The following RBM33 variants were observed in gnomAD, a reference collection of about 807,000 sequenced individuals.
RBM33 encodes the protein RNA binding motif protein 33.
Under a neutral mutation model 132.6 loss-of-function variants are expected in RBM33, and 28 were observed. That is an observed-to-expected ratio of 0.21 (90% confidence interval 0.16 to 0.29). The LOEUF is 0.29. RBM33 is among the 10% of genes least tolerant of loss of function. The pLI is 1.00. For synonymous variants in RBM33, 634 were observed against 593.0 expected (o/e 1.07, Z -1.01); for missense variants, 1,291 against 1,518.5 (o/e 0.85, Z 2.49).
At chr7:155,665,041 T>C in intron 1 of RBM33, 134 bp from the exon 2 acceptor site, 1 of 624,008 alleles carries the variant, frequency 1.6e-6, no homozygotes. Flanking sequence ...AGTAAAATGA[T>C]AGTTACATAT....
At chr7:155,741,223 C>G (rs889950871) in intron 12 of RBM33, among the ~76,000 whole-genome samples, 2 of 151,894 alleles carry the variant, frequency 1.3e-5, no homozygotes, top group South Asian at 2.1e-4. Context: ...CTGCTTCCCC[C>G]CTCCCCCCTT....
intron 8 of RBM33, among the ~76,000 whole-genome samples, chr7:155,713,569 C>T (rs1309660714): frequency 6.6e-6 from 1 of 152,100 alleles, no homozygotes; most frequent in Non-Finnish European, 1.5e-5. Flanking sequence ...TGGCCACGGG[C>T]TGGCAGGGCT....
chr7:155,686,114 G>C (rs1276969564), intron 5 of RBM33, among the ~76,000 whole-genome samples: 1 of 152,148 alleles, frequency 6.6e-6, no homozygotes, highest in South Asian at 2.1e-4. Context: ...TTGAAACTTA[G>C]AGAAAGGACA....
chr7:155,647,418 G>T (rs1215984336), intron 1 of RBM33, among the ~76,000 whole-genome samples: 1 of 152,114 alleles, frequency 6.6e-6, no homozygotes, highest in African/African-American at 2.4e-5. Context: ...GTGTCTATAG[G>T]AGTGTTTGCT....
chr7:155,736,289 G>GT (rs1330404950), intron 9 of RBM33, among the ~76,000 whole-genome samples: 4 of 152,194 alleles, frequency 2.6e-5, no homozygotes, highest in Non-Finnish European at 5.9e-5. Context: ...AGGCATTGGG[G>GT]TTGCAAGTGT....
At chr7:155,672,343 GA>G (rs148711063) in intron 2 of RBM33, among the ~76,000 whole-genome samples, 4,151 of 152,200 alleles carry the variant, frequency 0.027, 70 homozygotes, top group Middle Eastern at 0.037. Flanking sequence ...GAAGTATAGT[GA>G]GGCACTACCT....
intron 2 of RBM33, among the ~76,000 whole-genome samples, chr7:155,669,490 T>A (rs1245967187): frequency 1.3e-5 from 2 of 152,156 alleles, no homozygotes; most frequent in African/African-American, 2.4e-5. Context: ...GTAGCCGGGA[T>A]TACAGGCATG....
At chr7:155,727,699 A>G (rs1800832339) in intron 9 of RBM33, among the ~76,000 whole-genome samples, 1 of 152,262 alleles carries the variant, frequency 6.6e-6, no homozygotes, top group Admixed American at 6.5e-5. Flanking sequence ...GTGGCAAGCC[A>G]CATATCTGCC....
chr7:155,674,700 A>C (rs1279142084), intron 3 of RBM33, among the ~76,000 whole-genome samples: 1 of 152,178 alleles, frequency 6.6e-6, no homozygotes, highest in Non-Finnish European at 1.5e-5. Flanking sequence ...TACTTTTCTC[A>C]GTTGAGCTGA....
chr7:155,779,436 G>A lies in RBM33; in HGVS notation c.*4395G>A, dbSNP rs1396730714. On this transcript the variant is annotated 3_prime_UTR_variant, in exon 18 of 18. Transcript: ENST00000401878. Reference sequence around the variant, plus strand: ...TTTAGTGTATTTAAAGAGCATTTCAGTTAACTTTTTCAGCTATTTTTAAAG... The same window carrying A: ...TTTAGTGTATTTAAAGAGCATTTCAATTAACTTTTTCAGCTATTTTTAAAG... 6.6e-6 allele frequency: 1 copy of A among 152,128 alleles called. No homozygotes were observed. Among genetic ancestry groups the A allele is most frequent in the Non-Finnish European group, 1.5e-5 (1 of 68,034 alleles). The allele number at this position is 152,128 out of a possible 1,614,324, so 9.4% of individuals were successfully genotyped here. A position where few individuals can be genotyped will look rare whatever the true frequency, so the allele number is the denominator to read the frequency against.
In RBM33 at chr7:155,738,314, A is replaced by G. The variant is rs755900967; in HGVS notation, c.1648A>G (p.Thr550Ala). The G allele has an allele frequency of 5.0e-6, 8 of 1,613,828 alleles. No homozygotes were observed. The highest frequency in any genetic ancestry group is 4.0e-5 in the African/African-American group (3 of 74,906). ...GCACTTTAGCCAGCCTGGGTCGGCA[A>G]CCACACGGCCCTTCATTCCTCCTAG... ...ILHFSQPGSA[T>A]TRPFIPPRQP... Residue 550 changes from threonine to alanine, a missense_variant, in exon 11 of 18, where the codon ACC (threonine) becomes GCC (alanine). By Grantham distance (58) the Thr-to-Ala change is moderately conservative. This residue lies in a region of RBM33 where 841 missense variants were observed against 912.0 expected (regional missense o/e 0.92). Transcript: ENST00000401878.
rs557079589 is a variant in RBM33 at position 155,736,493 on chromosome 7, C to A, written c.1261-1037C>A. Among the ~76,000 whole-genome samples the A allele has an allele frequency of 2.0e-5, 3 of 152,226 alleles. No individual in the cohort carries two copies. The South Asian group carries it at 6.2e-4, about 32-fold the overall frequency. On this transcript the variant is annotated intron_variant, in intron 9 of 17. Coordinates refer to ENST00000401878, the MANE Select transcript of RBM33 (RefSeq NM_053043.3). Reference sequence around the variant, plus strand: ...CAATACGGTGGTTTAAAAAAATCTCCATGAATACCTGAAAGACCAACTGAA... The same window carrying A: ...CAATACGGTGGTTTAAAAAAATCTCAATGAATACCTGAAAGACCAACTGAA...
chr7:155,741,115 G>T (rs563631064), intron 12 of RBM33, among the ~76,000 whole-genome samples: 2 of 152,300 alleles, frequency 1.3e-5, no homozygotes, highest in African/African-American at 4.8e-5. Context: ...AGAAGAGGGT[G>T]CTTTATAACC....
chr7:155,707,542 T>G (rs2116970211), intron 7 of RBM33, among the ~76,000 whole-genome samples: 1 of 152,356 alleles, frequency 6.6e-6, no homozygotes, highest in Non-Finnish European at 1.5e-5. Context: ...CATACAAAGC[T>G]TTCATAGTCT....
intron 6 of RBM33, among the ~76,000 whole-genome samples, chr7:155,702,475 A>T (rs1027115818): frequency 6.6e-6 from 1 of 152,376 alleles, no homozygotes; most frequent in East Asian, 1.9e-4. Context: ...TCTTAGAAGC[A>T]TCTTTAATTT....
intron 9 of RBM33, among the ~76,000 whole-genome samples, chr7:155,721,968 TTA>T (rs1800641355): frequency 6.6e-6 from 1 of 152,208 alleles, no homozygotes; most frequent in African/African-American, 2.4e-5. Flanking sequence ...TTGCTCTTGG[TTA>T]TGTTAGTCTT....
intron 2 of RBM33, among the ~76,000 whole-genome samples, chr7:155,666,307 A>G (rs1490040675): frequency 6.6e-6 from 1 of 152,214 alleles, no homozygotes; most frequent in African/African-American, 2.4e-5. Flanking sequence ...GGCAGAAGAT[A>G]GCTCAGCTCA....
Position 155,738,035 on chromosome 7 carries a change from TTAA to T in RBM33, c.1394-23_1394-21del, listed in dbSNP as rs372306850. 3.3e-4 allele frequency: 527 copies of T among 1,585,346 alleles called. 4 individuals carry two copies. The African/African-American group carries it at 6.5e-3, about 19-fold the overall frequency. On this transcript the variant is annotated intron_variant, in intron 10 of 17. Coordinates refer to ENST00000401878, the MANE Select transcript of RBM33 (RefSeq NM_053043.3). ...AGCACATGGTCTTTTTAACCTGAAG[TTAA>T]TGATGTTGTGTTACCTTTCAGTTTC...
chr7:155,746,765 T>C (rs1243050576), intron 14 of RBM33: 1 of 152,242 alleles, frequency 6.6e-6, no homozygotes, highest in Non-Finnish European at 1.5e-5. Context: ...ATTCATTGTA[T>C]GCAATTTATA....
Sources: allele counts gnomAD v4.1 joint callset (sites outside exome capture counted in the v4.1 genomes callset), GRCh38; gene constraint gnomAD v4.1.1; regional missense constraint gnomAD v4.1.1; transcripts MANE v1.5; gene names NCBI Gene and HGNC (gene_info 2026-07-23, HGNC 2026-07-21).